CELF2: variants seen among roughly 807,000 people sequenced by gnomAD.
The protein encoded by CELF2 is CUGBP Elav-like family member 2.
Under a neutral mutation model 62.6 loss-of-function variants are expected in CELF2, and 8 were observed. The observed-to-expected ratio is 0.13, with a 90% CI of 0.07 to 0.23. The LOEUF (loss-of-function observed/expected upper bound fraction) is 0.23. CELF2 is among the 10% of genes least tolerant of loss of function. The probability of loss-of-function intolerance (pLI) is 1.00; values close to 1 mark genes in which losing one functional copy is unlikely to be tolerated. For synonymous variants in CELF2, 258 were observed against 250.0 expected, an observed-to-expected ratio of 1.03 and a Z score of -0.30; for missense variants, 333 against 671.0, an observed-to-expected ratio of 0.50 and a Z score of 5.56.
rs543834814 is a variant in CELF2, at chr10:11,012,146, C to T, written c.53+6706C>T. Among the ~76,000 whole-genome samples the T allele has an allele frequency of 6.6e-6, 1 of 152,264 alleles. No homozygotes were observed. Among genetic ancestry groups the T allele is most frequent in the African/African-American group, 2.4e-5 (1 of 41,564 alleles). On this transcript the variant is annotated intron_variant, in intron 1 of 12. Transcript: ENST00000416382. This position sits in a 1 kb window ranked among gnomAD's most constrained non-coding sequence, Gnocchi z 5.5. ...TTCCCATTGTCAATCAACTCTTTGA[C>T]AGAATGAAATGCTGAATCCAACAAG...
chr10:10,631,643 GTGATTTTAGTGGACCATCCAC>G, the CELF2 span, among the ~76,000 whole-genome samples: 1 of 152,212 alleles, frequency 6.6e-6, no homozygotes, highest in Non-Finnish European at 1.5e-5. Flanking sequence ...TGAACGAGCA[GTGATTTTAGTGGACCATCCAC>G]TGGACGTTTT....
At chr10:11,104,908 C>T (rs920702087) in intron 1 of CELF2, among the ~76,000 whole-genome samples, 1 of 152,158 alleles carries the variant, frequency 6.6e-6, no homozygotes, top group African/African-American at 2.4e-5. Context: ...CAGAGGTGAC[C>T]TCTTGAGTGT....
At chr10:10,910,134 A>G (rs994699736) in intron 1 of CELF2, among the ~76,000 whole-genome samples, 1 of 152,238 alleles carries the variant, frequency 6.6e-6, no homozygotes, top group African/African-American at 2.4e-5. Context: ...GAACTAATAG[A>G]GAAAAATTGG....
At chr10:10,527,769 T>C in the CELF2 span, among the ~76,000 whole-genome samples, 1 of 152,212 alleles carries the variant, frequency 6.6e-6, no homozygotes, top group Non-Finnish European at 1.5e-5. Flanking sequence ...TGTTCTCCTC[T>C]GGGGCTTTGA....
chr10:10,832,084 G>T (rs6602458), intron 1 of CELF2, among the ~76,000 whole-genome samples: 1 of 151,150 alleles, frequency 6.6e-6, no homozygotes. Context: ...CCTGGCCAAC[G>T]TGGTAAAACC....
chr10:11,308,270 T>C (rs1225901323), intron 9 of CELF2, among the ~76,000 whole-genome samples: 1 of 152,242 alleles, frequency 6.6e-6, no homozygotes, highest in African/African-American at 2.4e-5. Flanking sequence ...TGGAGTTTGT[T>C]TATTTTCTTG....
At chr10:11,254,659 C>G (rs1171494425) in intron 4 of CELF2, among the ~76,000 whole-genome samples, 1 of 152,116 alleles carries the variant, frequency 6.6e-6, no homozygotes, top group East Asian at 1.9e-4. Flanking sequence ...TAGCTAAATA[C>G]CATAATTATA....
the CELF2 span, among the ~76,000 whole-genome samples, chr10:10,478,556 A>G: frequency 2.0e-5 from 3 of 152,354 alleles, no homozygotes; most frequent in African/African-American, 4.8e-5. Flanking sequence ...ATCTAAAAAT[A>G]CAGTTATATA....
At chr10:11,301,079 A>G (rs1176915237) in intron 9 of CELF2, among the ~76,000 whole-genome samples, 3 of 152,230 alleles carry the variant, frequency 2.0e-5, no homozygotes, top group African/African-American at 7.2e-5. Context: ...TTAACGCTAG[A>G]CATGCCCTGC....
chr10:10,754,636 A>G, the CELF2 span, among the ~76,000 whole-genome samples: 2 of 152,210 alleles, frequency 1.3e-5, no homozygotes, highest in Non-Finnish European at 2.9e-5. Context: ...GTTTAAGTCT[A>G]GATTATTTAG....
At chr10:10,939,420 G>A (rs1445998965) in intron 2 of CELF2, among the ~76,000 whole-genome samples, 2 of 151,890 alleles carry the variant, frequency 1.3e-5, no homozygotes, top group Admixed American at 1.3e-4. Flanking sequence ...CAAGTAGCTG[G>A]GATTATAGGC....
At position 11,211,226 on chromosome 10, in the gene CELF2, C is replaced by G. The variant is rs2061700121; in HGVS notation, c.272-6199C>G. ...CTCAGGAGTTCGAAGTTAAAGTGAACTATGATTGCACCACTGCACTCTAAC... is the reference window on the plus strand; with the variant it reads ...CTCAGGAGTTCGAAGTTAAAGTGAAGTATGATTGCACCACTGCACTCTAAC... On this transcript the variant is annotated intron_variant, in intron 2 of 12. Coordinates refer to ENST00000633077, the MANE Select transcript of CELF2 (RefSeq NM_001326342.2). This position sits in a 1 kb window ranked among gnomAD's most constrained non-coding sequence, Gnocchi z 4.8. Among the ~76,000 whole-genome samples the G allele has an allele frequency of 6.6e-6, 1 of 152,234 alleles. No individual in the cohort carries two copies. The highest frequency in any genetic ancestry group is 1.5e-5 in the Non-Finnish European group (1 of 68,048).
chr10:10,833,951 C>T (rs1177101557), intron 1 of CELF2, among the ~76,000 whole-genome samples: 1 of 152,160 alleles, frequency 6.6e-6, no homozygotes, highest in African/African-American at 2.4e-5. Context: ...ACCCAGCAAT[C>T]CCATTCCTGG....
chr10:11,251,900 C>G (rs953029394), intron 4 of CELF2, among the ~76,000 whole-genome samples: 7 of 152,234 alleles, frequency 4.6e-5, no homozygotes, highest in African/African-American at 7.2e-5. Context: ...AGAGGCCGGC[C>G]TGTCCAGGCC....
At chr10:10,849,483 C>A (rs973698187) in intron 1 of CELF2, among the ~76,000 whole-genome samples, 5 of 152,098 alleles carry the variant, frequency 3.3e-5, no homozygotes, top group Non-Finnish European at 7.4e-5. Flanking sequence ...TTTCCTGTTT[C>A]TCAACATTTT....
chr10:10,584,012 C>A, the CELF2 span, among the ~76,000 whole-genome samples: 1 of 152,044 alleles, frequency 6.6e-6, no homozygotes, highest in Non-Finnish European at 1.5e-5. Context: ...ACCCCAAGAC[C>A]GTAGGGGGCT....
chr10:10,479,375 G>A, the CELF2 span, among the ~76,000 whole-genome samples: 1 of 152,048 alleles, frequency 6.6e-6, no homozygotes, highest in Non-Finnish European at 1.5e-5. Context: ...CACCATGTTG[G>A]CCAGGATGGT....
the CELF2 span, among the ~76,000 whole-genome samples, chr10:10,716,930 C>T: frequency 1.3e-5 from 2 of 152,234 alleles, no homozygotes; most frequent in Admixed American, 6.5e-5. Flanking sequence ...CAGTGAAATG[C>T]TCGTGTAATT....
At chr10:11,278,468 A>G (rs1388972193) in intron 8 of CELF2, among the ~76,000 whole-genome samples, 1 of 152,194 alleles carries the variant, frequency 6.6e-6, no homozygotes, top group African/African-American at 2.4e-5. Flanking sequence ...AAATCTCAGA[A>G]ACTTGGGGTC....
Sources: allele counts gnomAD v4.1 joint callset (sites outside exome capture counted in the v4.1 genomes callset), GRCh38; gene constraint gnomAD v4.1.1; non-coding constraint Gnocchi (gnomAD v3.1); transcripts MANE v1.5; gene names NCBI Gene and HGNC (gene_info 2026-07-23, HGNC 2026-07-21).